The following EHMT1 variants were observed in gnomAD, a reference collection of about 807,000 sequenced individuals.
EHMT1 encodes the protein euchromatic histone lysine methyltransferase 1, also known as histone-lysine N-methyltransferase EHMT1.
In EHMT1, 15 loss-of-function variants were observed where a neutral mutation model predicts 147.2. That is an observed-to-expected ratio of 0.10 (90% CI 0.07 to 0.16). The LOEUF is 0.16. EHMT1 is among the 10% of genes least tolerant of loss of function. The pLI is 1.00. For missense variants in EHMT1, 1,587 were observed against 1,772.4 expected (o/e 0.90, Z 1.88); for synonymous variants, 795 against 709.6 (o/e 1.12, Z -1.91).
chr9:137,619,761 C>G (rs746456626), intron 1 of EHMT1, among the ~76,000 whole-genome samples: 2 of 152,078 alleles, frequency 1.3e-5, no homozygotes, highest in African/African-American at 2.4e-5. Context: ...CGTGCTCATT[C>G]TCAAGGATAG....
intron 25 of EHMT1, among the ~76,000 whole-genome samples, chr9:137,821,139 G>A (rs1015146684): frequency 6.6e-6 from 1 of 152,084 alleles, no homozygotes; most frequent in Admixed American, 6.6e-5. Context: ...GCCTCCCAAA[G>A]TGCTGGGATT....
At chr9:137,715,624 G>C (rs1012825020) in intron 2 of EHMT1, 1 of 985,322 alleles carries the variant, frequency 1.0e-6, no homozygotes, top group Admixed American at 6.1e-5. Context: ...GCCTCAGCCT[G>C]TCCTGAGCTG....
At chr9:137,676,371 T>TA in intron 1 of EHMT1, 1 of 152,440 alleles carries the variant, frequency 6.6e-6, no homozygotes. Flanking sequence ...GCCCGGCCTA[T>TA]ATTTTATTTT....
chr9:137,717,311 G>C, intron 3 of EHMT1, 129 bp downstream of exon 3: 1 of 1,240,212 alleles, frequency 8.1e-7, no homozygotes, highest in Non-Finnish European at 1.1e-6. Context: ...CCTATGAGGA[G>C]CTAGGAGAAG....
intron 6 of EHMT1, among the ~76,000 whole-genome samples, chr9:137,752,093 G>T (rs934768856): frequency 5.3e-5 from 8 of 152,236 alleles, no homozygotes; most frequent in Non-Finnish European, 8.8e-5. Flanking sequence ...AGACAGGACC[G>T]GGGAGCAGAG....
rs141856756 is a variant in EHMT1 at position 137,773,246 on chromosome 9, G to A, written c.1648-1863G>A. Reference sequence around the variant, plus strand: ...TCCTTTAATGTAAACATTTTTCAAAGTCAGTAGGTACAAGTGCCCTGCAGC... The same window carrying A: ...TCCTTTAATGTAAACATTTTTCAAAATCAGTAGGTACAAGTGCCCTGCAGC... On this transcript the variant is annotated intron_variant, in intron 10 of 26. Transcript: ENST00000460843. Among the ~76,000 whole-genome samples, 524 of 152,278 alleles carry A rather than the reference G, an allele frequency of 3.4e-3. 1 individual carries two copies. The highest frequency in any genetic ancestry group is 5.0e-3 in the Non-Finnish European group (338 of 68,026).
At chr9:137,777,749 A>T in intron 12 of EHMT1, 133 bp from the exon 13 acceptor site, 1 of 1,342,638 alleles carries the variant, frequency 7.4e-7, no homozygotes, top group Non-Finnish European at 1.1e-6. Flanking sequence ...CTGAACCGTT[A>T]AATCCAGGGA....
At chr9:137,774,298 G>A (rs1950783643) in intron 10 of EHMT1, among the ~76,000 whole-genome samples, 2 of 152,274 alleles carry the variant, frequency 1.3e-5, no homozygotes, top group African/African-American at 2.4e-5. Context: ...GTGAGTGGAT[G>A]TGGGCACATG....
chr9:137,773,273 G>T (rs528575701), intron 10 of EHMT1, among the ~76,000 whole-genome samples: 1 of 148,050 alleles, frequency 6.8e-6, no homozygotes, highest in Non-Finnish European at 1.5e-5. Flanking sequence ...CCCTGCAGCC[G>T]CTGGTCCTGA....
At chr9:137,724,586 A>G (rs1163699418) in intron 3 of EHMT1, among the ~76,000 whole-genome samples, 2 of 152,206 alleles carry the variant, frequency 1.3e-5, no homozygotes, top group East Asian at 1.9e-4. Context: ...TCACATGGCT[A>G]TTTTCTCTTC....
At chr9:137,740,848 G>A (rs1212863960) in intron 4 of EHMT1, among the ~76,000 whole-genome samples, 3 of 152,052 alleles carry the variant, frequency 2.0e-5, no homozygotes, top group Non-Finnish European at 4.4e-5. Flanking sequence ...TGTTTCCCAG[G>A]CTGGAGTGCA....
intron 16 of EHMT1, among the ~76,000 whole-genome samples, chr9:137,791,841 C>T (rs10867071): frequency 0.33 from 50,344 of 152,010 alleles, 8,598 homozygotes; most frequent in Admixed American, 0.43. Context: ...AAGCAATTCT[C>T]CTGCCTCAGC....
chr9:137,789,917 A>G (rs962479983), intron 15 of EHMT1, among the ~76,000 whole-genome samples: 1 of 152,144 alleles, frequency 6.6e-6, no homozygotes, highest in African/African-American at 2.4e-5. Flanking sequence ...TTTAGTAGAG[A>G]TGGGGTTTCA....
At chr9:137,778,612 C>T (rs1951140323) in intron 13 of EHMT1, among the ~76,000 whole-genome samples, 1 of 152,212 alleles carries the variant, frequency 6.6e-6, no homozygotes, top group Non-Finnish European at 1.5e-5. Flanking sequence ...AGCGACGGTA[C>T]CATCTGCTGA....
In EHMT1 at chr9:137,760,480, C is replaced by T. The variant is rs567323829; in HGVS notation, c.1502-2195C>T. ...GATTTGAATTCAAGTTTCACTTCAT[C>T]GTTTTCCTGGTCTTTAGGGGTTTGG... On this transcript the variant is annotated intron_variant, in intron 9 of 26. Coordinates refer to ENST00000460843, the MANE Select transcript of EHMT1 (RefSeq NM_024757.5). Among the ~76,000 whole-genome samples the T allele has an allele frequency of 7.7e-4, 118 of 152,322 alleles. 4 individuals are homozygous for T. In the South Asian group the frequency reaches 0.011, roughly 14 times the overall value.
At chr9:137,761,287 C>T (rs1949791692) in intron 9 of EHMT1, among the ~76,000 whole-genome samples, 1 of 152,198 alleles carries the variant, frequency 6.6e-6, no homozygotes, top group Non-Finnish European at 1.5e-5. Context: ...TTTTATTTTT[C>T]TTTACTATAG....
intron 1 of EHMT1, among the ~76,000 whole-genome samples, chr9:137,631,151 G>A (rs755282994): frequency 8.5e-5 from 13 of 152,174 alleles, no homozygotes; most frequent in Non-Finnish European, 1.6e-4. Flanking sequence ...TTGGGAGGCC[G>A]AGGCGGGTGG....
At chr9:137,662,029 T>C (rs1939138924) in intron 1 of EHMT1, among the ~76,000 whole-genome samples, 1 of 152,202 alleles carries the variant, frequency 6.6e-6, no homozygotes, top group Non-Finnish European at 1.5e-5. Flanking sequence ...CTCGAACTCC[T>C]GACTTCAGGT....
At chr9:137,648,529 A>G (rs2133915112) in intron 1 of EHMT1, among the ~76,000 whole-genome samples, 1 of 150,552 alleles carries the variant, frequency 6.6e-6, no homozygotes, top group South Asian at 2.1e-4. Context: ...ATGGTGCCTC[A>G]TGCCTGTGGT....
Sources: allele counts gnomAD v4.1 joint callset (sites outside exome capture counted in the v4.1 genomes callset), GRCh38; gene constraint gnomAD v4.1.1; transcripts MANE v1.5; gene names NCBI Gene and HGNC (gene_info 2026-07-23, HGNC 2026-07-21).